Variants in CA12 observed in about 807,000 individuals in gnomAD.
The protein encoded by CA12 is carbonate dehydratase XII.
In CA12, 36 loss-of-function variants were observed where a neutral mutation model predicts 46.8. That is an observed-to-expected ratio of 0.77 (90% CI 0.59 to 1.02). The LOEUF is 1.02. Among genes scored for constraint, CA12 ranks in the 50% least tolerant of loss-of-function variants. The pLI, the probability that CA12 is intolerant of heterozygous loss-of-function variation, is 0.00. For missense variants in CA12, 436 were observed against 451.4 expected, an observed-to-expected ratio of 0.97 and a Z score of 0.31; for synonymous variants, 202 against 187.0, an observed-to-expected ratio of 1.08 and a Z score of -0.65.
chr15:63,326,360 A>T lies in CA12; in HGVS notation c.993-3T>A. ...CCTTGTTATCACCTTTTTTGATACT[A>T]GAACAGAAAGAACACATAACTCTTG... is the stretch of plus-strand genomic sequence containing the variant. On this transcript the variant is annotated splice_polypyrimidine_tract_variant and splice_region_variant and intron_variant, in intron 10 of 10. Coordinates refer to ENST00000178638, the MANE Select transcript of CA12 (RefSeq NM_001218.5). 6.2e-7 allele frequency: 1 copy of T among 1,609,272 alleles called. No homozygotes were observed. Among genetic ancestry groups the T allele is most frequent in the Non-Finnish European group, 8.5e-7 (1 of 1,175,618 alleles).
In CA12 at chr15:63,348,770, A is replaced by T. The variant is rs1477522377; in HGVS notation, c.107-2061T>A. ...ATAGCTAAACGAGAGCCTCGTGAAG[A>T]TAGGGACCCCTCATCTTCGTCTCTG... On this transcript the variant is annotated intron_variant, in intron 2 of 10. Coordinates refer to ENST00000178638, the MANE Select transcript of CA12 (RefSeq NM_001218.5). The surrounding 1 kb of genome is among the most constrained non-coding windows in gnomAD (Gnocchi z 4.6). Among the ~76,000 whole-genome samples the T allele has an allele frequency of 2.6e-5, 4 of 152,354 alleles. No homozygotes were observed. In the East Asian group the frequency reaches 7.7e-4, roughly 29 times the overall value.
chr15:63,381,539 C>G (rs2039645017), intron 1 of CA12, 97 bp downstream of exon 1: 5 of 1,004,858 alleles, frequency 5.0e-6, no homozygotes, highest in Non-Finnish European at 7.7e-6. Flanking sequence ...TTCCCTGCTC[C>G]CCGCAGCAAT....
At position 63,361,705 on chromosome 15, in the gene CA12, C is replaced by T. The variant is rs560922055; in HGVS notation, c.106+13953G>A. On this transcript the variant is annotated intron_variant, in intron 2 of 10. Transcript: ENST00000178638. ...GGAGTTGGCTGCTCTCCCTGTCAGT[C>T]GTTCTCTGGGGCAGGAAAGAGTGGT... Among the ~76,000 whole-genome samples, 12 of 152,262 alleles carry T rather than the reference C, an allele frequency of 7.9e-5. No individual in the cohort carries two copies. The South Asian group carries it at 2.1e-3, about 26-fold the overall frequency.
Position 63,331,283 on chromosome 15 carries a change from G to A in CA12, c.875-3153C>T, listed in dbSNP as rs2038934838. Among the ~76,000 whole-genome samples the A allele has an allele frequency of 6.6e-6, 1 of 152,248 alleles. No individual in the cohort carries two copies. Among genetic ancestry groups the A allele is most frequent in the Admixed American group, 6.5e-5 (1 of 15,286 alleles). On this transcript the variant is annotated intron_variant, in intron 8 of 10. Transcript: ENST00000178638. This position sits in a 1 kb window ranked among gnomAD's most constrained non-coding sequence, Gnocchi z 5.3. The stretch of plus-strand genomic sequence containing the variant: ...ACTAGAACCTGAGTGCGAAGCCAAA[G>A]CCTGTTTCCCAGCAGAGCCTCGGCT...
rs546456346 is a variant in CA12 at position 63,341,325 on chromosome 15, A to C, written c.526-542T>G. ...TGTGGCCTGTTAGGAACTGGGCCGC[A>C]CAGCAGGAGGTGAGCAGCGGGCAAG... On this transcript the variant is annotated intron_variant, in intron 5 of 10. Coordinates refer to ENST00000178638, the MANE Select transcript of CA12 (RefSeq NM_001218.5). This position sits in a 1 kb window ranked among gnomAD's most constrained non-coding sequence, Gnocchi z 5.2. Among the ~76,000 whole-genome samples the C allele has an allele frequency of 6.6e-6, 1 of 152,364 alleles. No individual in the cohort carries two copies. The highest frequency in any genetic ancestry group is 6.5e-5 in the Admixed American group (1 of 15,308).
Position 63,326,350 on chromosome 15 carries a change from T to C in CA12, c.1000A>G (p.Lys334Glu). ...TAAATGACTCCCTTGTTATCACCTT[T>C]TTTGATACTAGAACAGAAAGAACAC... Reference protein sequence around the residue: ...IWLFRRKSIKKGDNKGVIYKP... With the variant: ...IWLFRRKSIKEGDNKGVIYKP... Residue 334 changes from lysine (K) to glutamate (E), a missense_variant, in exon 11 of 11, where the codon AAA (lysine) becomes GAA (glutamate). Physicochemically the swap from Lys to Glu is moderately conservative, Grantham distance 56. Coordinates refer to ENST00000178638, the MANE Select transcript of CA12 (RefSeq NM_001218.5). 1.2e-6 allele frequency: 2 copies of C among 1,613,362 alleles called. No homozygotes were observed. The highest frequency in any genetic ancestry group is 2.2e-5 in the South Asian group (2 of 91,078).
At chr15:63,369,122 C>T (rs553924285) in intron 2 of CA12, among the ~76,000 whole-genome samples, 1 of 152,320 alleles carries the variant, frequency 6.6e-6, no homozygotes, top group South Asian at 2.1e-4. Flanking sequence ...GCCTGTGAGG[C>T]CCTTGGGACG....
At chr15:63,347,929 C>A (rs1208510679) in intron 2 of CA12, among the ~76,000 whole-genome samples, 1 of 152,218 alleles carries the variant, frequency 6.6e-6, no homozygotes, top group Non-Finnish European at 1.5e-5. Context: ...CTTCTGTAGA[C>A]CCCTGCACTG....
In CA12 at chr15:63,322,400, G is replaced by GGT. The variant is rs2038801721; in HGVS notation, c.*3884_*3885insAC. On this transcript the variant is annotated 3_prime_UTR_variant, in exon 11 of 11. Coordinates refer to ENST00000178638, the MANE Select transcript of CA12 (RefSeq NM_001218.5). The surrounding 1 kb of genome is among the most constrained non-coding windows in gnomAD (Gnocchi z 4.1). The stretch of plus-strand genomic sequence containing the variant: ...AATTAAATTTAAATTAATGTCACTG[G>GGT]TTTTTTTTTTTTTACCTTTTTCTAG... The GGT allele has an allele frequency of 6.9e-6, 1 of 144,088 alleles. No individual in the cohort carries two copies. Among genetic ancestry groups the GGT allele is most frequent in the African/African-American group, 2.5e-5 (1 of 39,618 alleles). 8.9% of individuals were successfully genotyped at this position (144,088 alleles called of 1,614,324 possible). A position where few individuals can be genotyped will look rare whatever the true frequency, so the allele number is the denominator to read the frequency against.
chr15:63,336,357 C>T (rs748434891), intron 8 of CA12, among the ~76,000 whole-genome samples: 19 of 152,130 alleles, frequency 1.2e-4, no homozygotes, highest in Non-Finnish European at 2.2e-4. Context: ...CATAGTCCAT[C>T]GTTACAAGCG....
intron 2 of CA12, among the ~76,000 whole-genome samples, chr15:63,359,975 A>G (rs2039341147): frequency 6.6e-6 from 1 of 152,194 alleles, no homozygotes; most frequent in African/African-American, 2.4e-5. Flanking sequence ...TGTAGCACAC[A>G]AGACCTTCAC....
In CA12 at chr15:63,381,749, G is replaced by C; in HGVS notation, c.-29C>G. 11 of 1,519,088 alleles carry C rather than the reference G, an allele frequency of 7.2e-6. No individual in the cohort carries two copies. The highest frequency in any genetic ancestry group is 9.8e-6 in the Non-Finnish European group (11 of 1,124,636). 94.1% of individuals were successfully genotyped at this position (1,519,088 alleles called of 1,614,324 possible). Reference sequence around the variant, plus strand: ...CGCGGGCTCCTGCGGGGCGGGCGCGGGCTGTGCCGGGGGCTCCCGGTGGCC... The same window carrying C: ...CGCGGGCTCCTGCGGGGCGGGCGCGCGCTGTGCCGGGGGCTCCCGGTGGCC... On this transcript the variant is annotated 5_prime_UTR_variant, in exon 1 of 11. Coordinates refer to ENST00000178638, the MANE Select transcript of CA12 (RefSeq NM_001218.5).
intron 2 of CA12, among the ~76,000 whole-genome samples, chr15:63,362,707 CT>C (rs1231384176): frequency 2.0e-5 from 3 of 152,338 alleles, no homozygotes; most frequent in African/African-American, 7.2e-5. Context: ...CACGTAACAG[CT>C]TTCACAATAA....
intron 2 of CA12, among the ~76,000 whole-genome samples, chr15:63,356,937 GTCCATCAACAGATGCATGGATAA>G (rs2039302718): frequency 6.6e-6 from 1 of 152,196 alleles, no homozygotes; most frequent in African/African-American, 2.4e-5. Context: ...TAAGTCAATT[GTCCATCAACAGATGCATGGATAA>G]ACAAAATGTG....
chr15:63,374,038 G>C lies in CA12; in HGVS notation c.106+1620C>G, dbSNP rs1481319718. Among the ~76,000 whole-genome samples the C allele has an allele frequency of 6.6e-6, 1 of 152,028 alleles. No homozygotes were observed. Among genetic ancestry groups the C allele is most frequent in the Non-Finnish European group, 1.5e-5 (1 of 68,004 alleles). On this transcript the variant is annotated intron_variant, in intron 2 of 10. Transcript: ENST00000178638. The surrounding 1 kb of genome is among the most constrained non-coding windows in gnomAD (Gnocchi z 4.4). ...TTCTCCACAGGCCAAACACCTTCCT[G>C]CCTCCCTCCATCCTTCCCCCTCCAC...
At chr15:63,371,399 G>A (rs555201553) in intron 2 of CA12, among the ~76,000 whole-genome samples, 11 of 152,248 alleles carry the variant, frequency 7.2e-5, no homozygotes, top group South Asian at 2.1e-4. Context: ...TGCCAGAGCC[G>A]AGGGCCACGA....
chr15:63,338,839 A>G lies in CA12; in HGVS notation c.854T>C (p.Val285Ala), dbSNP rs766860860. ...CTCACCTTGGGAGAAGGAGGTGTAT[A>G]CCAGCCTCTCATCGAACTTCTGGAC... ...RQVQKFDERLVYTSFSQVQVC... is the reference protein window; with the variant it reads ...RQVQKFDERLAYTSFSQVQVC... The change falls in exon 8 of 11, where the codon GTA becomes GCA. Residue 285 changes from valine to alanine, a missense_variant. By Grantham distance (64) the Val-to-Ala change is moderately conservative. Coordinates refer to ENST00000178638, the MANE Select transcript of CA12 (RefSeq NM_001218.5). The G allele has an allele frequency of 6.2e-7, 1 of 1,613,902 alleles. No homozygotes were observed. Among genetic ancestry groups the G allele is most frequent in the Non-Finnish European group, 8.5e-7 (1 of 1,179,978 alleles).
chr15:63,373,660 T>G lies in CA12; in HGVS notation c.106+1998A>C, dbSNP rs904635761. 6.6e-6 allele frequency among the ~76,000 whole-genome samples: 1 copy of G among 152,204 alleles called. No individual in the cohort carries two copies. Among genetic ancestry groups the G allele is most frequent in the Non-Finnish European group, 1.5e-5 (1 of 68,034 alleles). On this transcript the variant is annotated intron_variant, in intron 2 of 10. Coordinates refer to ENST00000178638, the MANE Select transcript of CA12 (RefSeq NM_001218.5). The surrounding 1 kb of genome is among the most constrained non-coding windows in gnomAD (Gnocchi z 4.9). Reference sequence around the variant, plus strand: ...TCAGGCTCCCTCCCTTTCCCAGGTCTAGCCCAAGGCCTAGAAATCTGCATT... The same window carrying G: ...TCAGGCTCCCTCCCTTTCCCAGGTCGAGCCCAAGGCCTAGAAATCTGCATT...
intron 2 of CA12, among the ~76,000 whole-genome samples, chr15:63,362,525 G>C (rs1166772858): frequency 6.6e-6 from 1 of 152,194 alleles, no homozygotes; most frequent in Non-Finnish European, 1.5e-5. Context: ...AGAGCTGGAG[G>C]GAGTGGAGAA....
Sources: allele counts gnomAD v4.1 joint callset (sites outside exome capture counted in the v4.1 genomes callset), GRCh38; gene constraint gnomAD v4.1.1; non-coding constraint Gnocchi (gnomAD v3.1); transcripts MANE v1.5; gene names NCBI Gene and HGNC (gene_info 2026-07-23, HGNC 2026-07-21).